SLCO3A1: variants seen among roughly 807,000 people sequenced by gnomAD.
SLCO3A1 encodes the protein solute carrier organic anion transporter family member 3A1, also known as PGE1 transporter.
In SLCO3A1, 27 loss-of-function variants were observed where a neutral mutation model predicts 63.1. The observed-to-expected ratio is 0.43, with a 90% confidence interval of 0.32 to 0.59. The LOEUF is 0.59. Among genes scored for constraint, SLCO3A1 ranks in the 20% least tolerant of loss-of-function variants. The pLI, the probability that SLCO3A1 is intolerant of heterozygous loss-of-function variation, is 0.09. For synonymous variants in SLCO3A1, 473 were observed against 409.9 expected, an observed-to-expected ratio of 1.15 and a Z score of -1.86; for missense variants, 773 against 945.8, an observed-to-expected ratio of 0.82 and a Z score of 2.40.
intron 2 of SLCO3A1, among the ~76,000 whole-genome samples, chr15:91,949,781 G>A (rs971697673): frequency 6.6e-6 from 1 of 152,262 alleles, no homozygotes; most frequent in Middle Eastern, 3.4e-3. Context: ...AGGATCGCTT[G>A]AGGCCTGGAG....
chr15:91,858,192 CTG>C lies in SLCO3A1; in HGVS notation c.180+4106_180+4107del, dbSNP rs541355293. On this transcript the variant is annotated intron_variant, in intron 1 of 9. Coordinates refer to ENST00000318445, the MANE Select transcript of SLCO3A1 (RefSeq NM_013272.4). ...ACCCAGAAGCAGACAGCTCAGGAAA[CTG>C]TCTGTTGACATTTTCAACAGAGAGA... 5.0e-3 allele frequency among the ~76,000 whole-genome samples: 762 copies of C among 152,198 alleles called. 7 individuals are homozygous for C. Among genetic ancestry groups the C allele is most frequent in the African/African-American group, 0.018 (729 of 41,522 alleles).
chr15:92,147,499 C>T (rs2048243670), intron 8 of SLCO3A1, among the ~76,000 whole-genome samples: 2 of 152,172 alleles, frequency 1.3e-5, no homozygotes, highest in African/African-American at 4.8e-5. Context: ...GCCCCCACCA[C>T]CCTGCCACTG....
chr15:92,120,595 T>G lies in SLCO3A1; in HGVS notation c.1140T>G (p.Phe380Leu), dbSNP rs1324238816. 1 of 1,613,788 alleles carries G rather than the reference T, an allele frequency of 6.2e-7. No homozygotes were observed. Among genetic ancestry groups the G allele is most frequent in the East Asian group, 2.2e-5 (1 of 44,834 alleles). ...AFLGKYLEQQFNLTTSSANQL... is the reference protein window; with the variant it reads ...AFLGKYLEQQLNLTTSSANQL... Reference sequence around the variant, plus strand: ...TGGGGAAGTACCTGGAGCAGCAGTTTAACCTCACCACCTCTTCTGCCAACC... The same window carrying G: ...TGGGGAAGTACCTGGAGCAGCAGTTGAACCTCACCACCTCTTCTGCCAACC... Residue 380 changes from phenylalanine (F) to leucine (L), a missense_variant, in exon 5 of 10, where the codon TTT (phenylalanine) becomes TTG (leucine). Physicochemically the swap from Phe to Leu is conservative, Grantham distance 22. This residue lies in a region of SLCO3A1 where 565 missense variants were observed against 749.8 expected (regional missense o/e 0.75). Coordinates refer to ENST00000318445, the MANE Select transcript of SLCO3A1 (RefSeq NM_013272.4).
intron 2 of SLCO3A1, among the ~76,000 whole-genome samples, chr15:91,930,656 A>G (rs1205583997): frequency 6.6e-6 from 1 of 152,226 alleles, no homozygotes; most frequent in Non-Finnish European, 1.5e-5. Context: ...TCCCCGTACA[A>G]GGTGCTGGGG....
Position 91,941,971 on chromosome 15 carries a change from C to T in SLCO3A1, c.646+25513C>T, listed in dbSNP as rs903081998. On this transcript the variant is annotated intron_variant, in intron 2 of 9. Coordinates refer to ENST00000318445, the MANE Select transcript of SLCO3A1 (RefSeq NM_013272.4). The surrounding 1 kb of genome is among the most constrained non-coding windows in gnomAD (Gnocchi z 4.4). ...TGGCTGAGGACTGCCTGCCTTTGAGCTAGGTCTTACCCATCCACGACAAAA... is the reference window on the plus strand; with the variant it reads ...TGGCTGAGGACTGCCTGCCTTTGAGTTAGGTCTTACCCATCCACGACAAAA... 2.0e-5 allele frequency among the ~76,000 whole-genome samples: 3 copies of T among 152,258 alleles called. No individual in the cohort carries two copies.
intron 2 of SLCO3A1, among the ~76,000 whole-genome samples, chr15:92,067,514 C>T (rs759441903): frequency 6.6e-6 from 1 of 152,236 alleles, no homozygotes; most frequent in African/African-American, 2.4e-5. Context: ...CACAAATGCA[C>T]TAGACTTCTT....
At chr15:92,018,886 C>G (rs576560303) in intron 2 of SLCO3A1, among the ~76,000 whole-genome samples, 1 of 152,320 alleles carries the variant, frequency 6.6e-6, no homozygotes, top group Admixed American at 6.5e-5. Flanking sequence ...GATAATGTGA[C>G]TGCAGCATCT....
exon 11 of SLCO3A1, chr15:92,171,938 G>A (rs11074043): frequency 0.072 from 75,599 of 1,056,660 alleles, 3,161 homozygotes; most frequent in Non-Finnish European, 0.085. Context: ...CACTTAGCGC[G>A]CTCCTCCCTG....
intron 2 of SLCO3A1, among the ~76,000 whole-genome samples, chr15:91,961,423 G>A (rs1900441058): frequency 6.6e-6 from 1 of 152,236 alleles, no homozygotes; most frequent in East Asian, 1.9e-4. Context: ...GAAGAATGGT[G>A]GGGCAGAAGA....
intron 6 of SLCO3A1, among the ~76,000 whole-genome samples, chr15:92,127,964 G>T (rs2047945604): frequency 6.6e-6 from 1 of 152,158 alleles, no homozygotes; most frequent in African/African-American, 2.4e-5. Flanking sequence ...TTAGCAATCA[G>T]GAGAGGCATC....
intron 2 of SLCO3A1, among the ~76,000 whole-genome samples, chr15:91,920,928 A>C (rs778114198): frequency 1.1e-4 from 17 of 152,060 alleles, no homozygotes; most frequent in Admixed American, 1.1e-3. Context: ...TGGATTTCCT[A>C]CCATACTTCC....
chr15:92,127,982 G>T (rs1265700755), intron 6 of SLCO3A1, among the ~76,000 whole-genome samples: 3 of 152,094 alleles, frequency 2.0e-5, no homozygotes, highest in Admixed American at 6.6e-5. Context: ...ATCGTGGAGG[G>T]GGTGGCCCTG....
intron 7 of SLCO3A1, among the ~76,000 whole-genome samples, chr15:92,141,691 G>A (rs2048134056): frequency 3.9e-5 from 6 of 152,132 alleles, no homozygotes; most frequent in Admixed American, 3.9e-4. Flanking sequence ...CTGCACTCTG[G>A]GAAAGGTGAA....
At position 92,047,588 on chromosome 15, in the gene SLCO3A1, T is replaced by TAA. The variant is rs1567088050; in HGVS notation, c.647-47292_647-47291insAA. Among the ~76,000 whole-genome samples, 25 of 13,536 alleles carry TAA rather than the reference T, an allele frequency of 1.8e-3. 3 individuals are homozygous for TAA. Among genetic ancestry groups the TAA allele is most frequent in the East Asian group, 3.9e-3 (2 of 516 alleles). 8.9% of individuals were successfully genotyped at this position (13,536 alleles called of 152,430 possible). ...TATATATAAATATATATATAATATA[T>TAA]ATATAATATATAATATATATATAAT... On this transcript the variant is annotated intron_variant, in intron 2 of 9. Transcript: ENST00000318445.
intron 2 of SLCO3A1, among the ~76,000 whole-genome samples, chr15:92,061,277 T>C (rs2047083337): frequency 6.6e-6 from 1 of 152,184 alleles, no homozygotes; most frequent in African/African-American, 2.4e-5. Context: ...TGCCCACAGC[T>C]CAGCCCTAAT....
chr15:92,150,314 C>T (rs1471569146), intron 8 of SLCO3A1, among the ~76,000 whole-genome samples: 1 of 152,146 alleles, frequency 6.6e-6, no homozygotes, highest in Admixed American at 6.5e-5. Context: ...CCTTTCCCAC[C>T]CCACTGACTC....
At chr15:91,985,561 T>A (rs562436655) in intron 2 of SLCO3A1, among the ~76,000 whole-genome samples, 3 of 152,208 alleles carry the variant, frequency 2.0e-5, no homozygotes, top group Non-Finnish European at 4.4e-5. Context: ...CGTTTCCTAA[T>A]GAGCACGGGT....
At chr15:91,901,222 T>G (rs1321116824) in intron 1 of SLCO3A1, among the ~76,000 whole-genome samples, 1 of 152,208 alleles carries the variant, frequency 6.6e-6, no homozygotes, top group East Asian at 1.9e-4. Context: ...AGATCAGTAC[T>G]AAAATTCTCT....
At chr15:91,938,529 A>T (rs1899502121) in intron 2 of SLCO3A1, among the ~76,000 whole-genome samples, 2 of 148,956 alleles carry the variant, frequency 1.3e-5, no homozygotes, top group South Asian at 4.2e-4. Flanking sequence ...CAGTTACAAG[A>T]TGGTTCCTTA....
Sources: allele counts gnomAD v4.1 joint callset (sites outside exome capture counted in the v4.1 genomes callset), GRCh38; gene constraint gnomAD v4.1.1; regional missense constraint gnomAD v4.1.1; non-coding constraint Gnocchi (gnomAD v3.1); transcripts MANE v1.5; gene names NCBI Gene and HGNC (gene_info 2026-07-23, HGNC 2026-07-21).